SPON1: variants seen among roughly 807,000 people sequenced by gnomAD.
SPON1 encodes spondin 1.
Under a neutral mutation model 111.7 loss-of-function variants are expected in SPON1, and 52 were observed. That is an observed-to-expected ratio of 0.47 (90% confidence interval 0.37 to 0.59). SPON1 has a LOEUF of 0.59. Ranked by LOEUF, SPON1 falls within the 20% of genes least tolerant of loss-of-function variation. The pLI is 0.00. For synonymous variants in SPON1, 410 were observed against 395.8 expected (o/e 1.04, Z -0.43); for missense variants, 957 against 1,068.5 (o/e 0.90, Z 1.46).
chr11:14,218,618 C>A (rs770994861), intron 6 of SPON1, among the ~76,000 whole-genome samples: 6 of 152,108 alleles, frequency 3.9e-5, no homozygotes, highest in Non-Finnish European at 7.4e-5. Context: ...ACCCTAGCAG[C>A]CAGTATATTT....
chr11:14,158,718 T>C (rs1772191698), intron 6 of SPON1, among the ~76,000 whole-genome samples: 1 of 152,114 alleles, frequency 6.6e-6, no homozygotes, highest in Non-Finnish European at 1.5e-5. Flanking sequence ...TAAACCAAGT[T>C]ACTTTGTTTT....
intron 5 of SPON1, among the ~76,000 whole-genome samples, chr11:14,105,241 G>T (rs1446225188): frequency 6.6e-6 from 1 of 152,038 alleles, no homozygotes; most frequent in African/African-American, 2.4e-5. Context: ...CAAGCAATGT[G>T]TTCAGTTCAT....
chr11:13,980,890 C>G (rs967150920), intron 1 of SPON1, among the ~76,000 whole-genome samples: 3 of 152,110 alleles, frequency 2.0e-5, no homozygotes, highest in Non-Finnish European at 4.4e-5. Flanking sequence ...ATTTTATGAT[C>G]TTAGGTGTGT....
intron 5 of SPON1, among the ~76,000 whole-genome samples, chr11:14,090,610 C>T (rs1414684329): frequency 2.6e-5 from 4 of 151,796 alleles, no homozygotes; most frequent in South Asian, 2.1e-4. Context: ...TGGAGTTGTT[C>T]GTTCCTCCTG....
intron 6 of SPON1, among the ~76,000 whole-genome samples, chr11:14,197,448 TA>T (rs1848414278): frequency 6.6e-6 from 1 of 151,690 alleles, no homozygotes; most frequent in African/African-American, 2.4e-5. Flanking sequence ...CCATGAAGCT[TA>T]AACTTTATTC....
chr11:14,084,906 T>C (rs1455929586), intron 5 of SPON1, among the ~76,000 whole-genome samples: 1 of 152,264 alleles, frequency 6.6e-6, no homozygotes, highest in Non-Finnish European at 1.5e-5. Flanking sequence ...CCAGTGATGA[T>C]GAGCTTTTTT....
At chr11:14,087,558 C>T (rs1324370863) in intron 5 of SPON1, among the ~76,000 whole-genome samples, 2 of 152,156 alleles carry the variant, frequency 1.3e-5, no homozygotes, top group East Asian at 1.9e-4. Flanking sequence ...GAGTGTTTTA[C>T]TTCCAATTAT....
intron 1 of SPON1, among the ~76,000 whole-genome samples, chr11:13,968,026 CTCTT>C (rs1240509710): frequency 8.5e-5 from 13 of 152,328 alleles, no homozygotes; most frequent in Non-Finnish European, 1.6e-4. Context: ...TTACAGCTGA[CTCTT>C]TCAGTTGCAT....
intron 6 of SPON1, among the ~76,000 whole-genome samples, chr11:14,229,020 C>T (rs1409663256): frequency 6.6e-6 from 1 of 152,136 alleles, no homozygotes; most frequent in Non-Finnish European, 1.5e-5. Context: ...GGTTAGGAAG[C>T]TTCCACCCCA....
chr11:14,143,540 G>A (rs556492351), intron 6 of SPON1, among the ~76,000 whole-genome samples: 3 of 149,422 alleles, frequency 2.0e-5, no homozygotes, highest in Non-Finnish European at 3.0e-5. Context: ...CAGCCTGGGC[G>A]ACAGAGTCAG....
At chr11:14,221,210 A>G (rs1248223207) in intron 6 of SPON1, among the ~76,000 whole-genome samples, 1 of 152,216 alleles carries the variant, frequency 6.6e-6, no homozygotes, top group Non-Finnish European at 1.5e-5. Flanking sequence ...GACAAAGATG[A>G]CTTAGTCAAG....
intron 6 of SPON1, among the ~76,000 whole-genome samples, chr11:14,198,262 T>C (rs1270607230): frequency 1.3e-5 from 2 of 152,188 alleles, no homozygotes; most frequent in Non-Finnish European, 2.9e-5. Context: ...TTAGACATAC[T>C]CAAGTTTGAA....
At chr11:14,207,838 C>A (rs11023141) in intron 6 of SPON1, among the ~76,000 whole-genome samples, 51,398 of 152,134 alleles carry the variant, frequency 0.34, 9,059 homozygotes, top group Admixed American at 0.44. Flanking sequence ...TTCAGCCCAG[C>A]AATCCCATTA....
chr11:14,002,552 G>A (rs1384575621), intron 2 of SPON1, among the ~76,000 whole-genome samples: 1 of 152,170 alleles, frequency 6.6e-6, no homozygotes, highest in African/African-American at 2.4e-5. Context: ...GGAGGAATGT[G>A]GTAGGGAGTC....
At chr11:14,244,132 C>T (rs1382138484) in intron 7 of SPON1, among the ~76,000 whole-genome samples, 2 of 152,208 alleles carry the variant, frequency 1.3e-5, no homozygotes, top group Non-Finnish European at 2.9e-5. Flanking sequence ...TTCAAGCCAT[C>T]ACCCTTTCTC....
chr11:14,019,730 T>G (rs1591352877), intron 2 of SPON1, among the ~76,000 whole-genome samples: 1 of 152,294 alleles, frequency 6.6e-6, no homozygotes, highest in East Asian at 1.9e-4. Flanking sequence ...GACTAGTAGC[T>G]CTGTGATTCA....
intron 3 of SPON1, among the ~76,000 whole-genome samples, chr11:14,072,333 A>G (rs1848883396): frequency 6.6e-6 from 1 of 152,128 alleles, no homozygotes; most frequent in Non-Finnish European, 1.5e-5. Context: ...CATGTTTTTC[A>G]TCTCTAGTCC....
rs146560126 is a variant in SPON1 at position 14,156,995 on chromosome 11, C to T, written c.825+21427C>T. ...ATTACAATTCAACATGAGATTTGGT[C>T]GAGGACGGAGAGCCAAACTATATCA... On this transcript the variant is annotated intron_variant, in intron 6 of 15. Transcript: ENST00000576479. Among the ~76,000 whole-genome samples, 1,513 of 152,244 alleles carry T rather than the reference C, an allele frequency of 9.9e-3. 25 individuals carry two copies. Among genetic ancestry groups the T allele is most frequent in the Admixed American group, 0.034 (527 of 15,282 alleles).
chr11:14,093,956 G>C (rs6486168), intron 5 of SPON1, among the ~76,000 whole-genome samples: 1 of 152,196 alleles, frequency 6.6e-6, no homozygotes, highest in Non-Finnish European at 1.5e-5. Context: ...TCACGCCTAT[G>C]ATCCCAGCAC....
Sources: gnomAD v4.1 joint callset for allele counts (sites outside exome capture counted in the v4.1 genomes callset) on GRCh38, gnomAD v4.1.1 for gene constraint, MANE v1.5 for transcripts, NCBI Gene and HGNC (gene_info 2026-07-23, HGNC 2026-07-21) for gene names.